DIAPH1: variants seen among roughly 807,000 people sequenced by gnomAD.
The protein encoded by DIAPH1 is diaphanous related formin 1, also known as protein diaphanous homolog 1.
DIAPH1 carries 46 observed loss-of-function variants against 140.7 expected under a neutral mutation model. That is an observed-to-expected ratio of 0.33 (90% CI 0.26 to 0.42). The LOEUF (loss-of-function observed/expected upper bound fraction) is 0.42, where lower values mean the gene tolerates loss of function less well. DIAPH1 is among the 10% of genes least tolerant of loss of function. The pLI, the probability that DIAPH1 is intolerant of heterozygous loss-of-function variation, is 1.00. For synonymous variants in DIAPH1, 565 were observed against 551.6 expected, an observed-to-expected ratio of 1.02 and a Z score of -0.34; for missense variants, 1,310 against 1,558.7, an observed-to-expected ratio of 0.84 and a Z score of 2.69.
At chr5:141,596,963 C>T (rs934884963) in intron 1 of DIAPH1, among the ~76,000 whole-genome samples, 7 of 151,994 alleles carry the variant, frequency 4.6e-5, no homozygotes, top group African/African-American at 1.7e-4. Context: ...AAAAAGAGGT[C>T]ATTAGAAGTT....
At position 141,577,507 on chromosome 5, in the gene DIAPH1, G is replaced by A. The variant is rs375904152; in HGVS notation, c.1248C>T (p.His416=). 1 of 1,613,894 alleles carries A rather than the reference G, an allele frequency of 6.2e-7. No homozygotes were observed. Among genetic ancestry groups the A allele is most frequent in the Non-Finnish European group, 8.5e-7 (1 of 1,179,768 alleles). ...CATAGTCATTTCGGACCAAGAGTAA[G>A]TGCTGCAGGATGGAAAGGAAGTGTG... ...AEPHFLSILQ[H]LLLVRNDYEA... is the part of the protein sequence containing the mutation. Residue 416 remains histidine (H), a synonymous_variant, in exon 12 of 28, where the codon CAC becomes CAT. Coordinates refer to ENST00000389054, the MANE Select transcript of DIAPH1 (RefSeq NM_005219.5).
In DIAPH1 at chr5:141,529,666, A is replaced by G; in HGVS notation, c.2613T>C (p.Tyr871=). 1 of 1,614,146 alleles carries G rather than the reference A, an allele frequency of 6.2e-7. No individual in the cohort carries two copies. Among genetic ancestry groups the G allele is most frequent in the Non-Finnish European group, 8.5e-7 (1 of 1,180,002 alleles). ...CCAGGATGACATTCTTAATCTCTTG[A>G]TAGGGCATGCGGAAGGAACCCAAAA... is the stretch of plus-strand genomic sequence containing the variant. The part of the protein sequence containing the change: ...SIFLGSFRMP[Y]QEIKNVILEV... The change falls in exon 20 of 28, where the codon TAT becomes TAC. Residue 871 remains tyrosine, a synonymous_variant. Transcript: ENST00000389054.
intron 1 of DIAPH1, among the ~76,000 whole-genome samples, chr5:141,589,918 CTT>C (rs998895903): frequency 6.9e-6 from 1 of 145,068 alleles, no homozygotes. Context: ...TATAGTAAAT[CTT>C]TTTTTTTTTT....
In DIAPH1 at chr5:141,578,584, C is replaced by T. The variant is rs774957853; in HGVS notation, c.975G>A (p.Ala325=). The T allele has an allele frequency of 1.5e-5, 24 of 1,613,594 alleles. No homozygotes were observed. Among genetic ancestry groups the T allele is most frequent in the African/African-American group, 9.3e-5 (7 of 74,896 alleles). The part of the protein sequence containing the change: ...LQLINALITP[A]EELDFRVHIR... ...TGTGAACTCGGAAGTCAAGTTCCTC[C>T]GCTGGTGTGATGAGAGCATTGATCA... The change falls in exon 10 of 28, where the codon GCG becomes GCA. Residue 325 remains alanine (A), a synonymous_variant. Transcript: ENST00000389054.
intron 19 of DIAPH1, among the ~76,000 whole-genome samples, chr5:141,531,520 C>T (rs1342170216): frequency 6.6e-6 from 1 of 152,072 alleles, no homozygotes; most frequent in East Asian, 1.9e-4. Flanking sequence ...ATGAGTCTCA[C>T]TCTGTCACCC....
rs1280980825 is a variant in DIAPH1, at chr5:141,584,231, A to G, written c.301-6T>C. On this transcript the variant is annotated splice_region_variant and splice_polypyrimidine_tract_variant and intron_variant, in intron 3 of 27. Transcript: ENST00000389054. The stretch of plus-strand genomic sequence containing the variant: ...TCATTCAGGTTCATATCCAGCTAGG[A>G]GAGGGAGAAAAAAGAGAAAAAACAA... The G allele has an allele frequency of 6.3e-7, 1 of 1,588,674 alleles. No individual in the cohort carries two copies. The highest frequency in any genetic ancestry group is 1.3e-5 in the African/African-American group (1 of 74,492).
chr5:141,559,586 C>G (rs749647161), intron 18 of DIAPH1, among the ~76,000 whole-genome samples: 4 of 152,168 alleles, frequency 2.6e-5, no homozygotes, highest in African/African-American at 9.7e-5. Context: ...TATTAAAAAT[C>G]TGGGCACTTC....
rs543699513 is a variant in DIAPH1, at chr5:141,595,813, G to A, written c.118-7563C>T. Among the ~76,000 whole-genome samples the A allele has an allele frequency of 8.5e-5, 13 of 152,240 alleles. No individual in the cohort carries two copies. The South Asian group carries it at 2.3e-3, about 27-fold the overall frequency. The stretch of plus-strand genomic sequence containing the variant: ...TACACCATGCACGTGTGTGGGCAGC[G>A]ATATATTGGAAATCTCTATACCTTC... On this transcript the variant is annotated intron_variant, in intron 1 of 27. Coordinates refer to ENST00000389054, the MANE Select transcript of DIAPH1 (RefSeq NM_005219.5).
intron 18 of DIAPH1, among the ~76,000 whole-genome samples, chr5:141,550,214 T>C (rs1197335131): frequency 1.3e-5 from 2 of 152,146 alleles, no homozygotes; most frequent in African/African-American, 2.4e-5. Flanking sequence ...AATAACATTA[T>C]CTTAAGATAA....
chr5:141,541,661 G>C, intron 18 of DIAPH1, among the ~76,000 whole-genome samples: 1 of 148,226 alleles, frequency 6.7e-6, no homozygotes, highest in East Asian at 2.0e-4. Flanking sequence ...CTCCAGCCTG[G>C]GCAACAGAGC....
intron 18 of DIAPH1, among the ~76,000 whole-genome samples, chr5:141,558,926 A>G (rs2154595902): frequency 6.6e-6 from 1 of 151,938 alleles, no homozygotes; most frequent in East Asian, 1.9e-4. Flanking sequence ...TAAAAAAAAA[A>G]AAAAAAAGAC....
intron 9 of DIAPH1, 30 bp from the exon 10 acceptor site, chr5:141,578,655 A>C (rs1436917887): frequency 6.6e-7 from 1 of 1,510,448 alleles, no homozygotes; most frequent in South Asian, 1.1e-5. Context: ...CAGCTATGTC[A>C]ATGCTAACTC....
intron 18 of DIAPH1, among the ~76,000 whole-genome samples, chr5:141,548,614 A>C (rs2099891186): frequency 1.3e-5 from 2 of 152,136 alleles, no homozygotes; most frequent in Non-Finnish European, 2.9e-5. Flanking sequence ...CTGGGCAATA[A>C]GGGCAATAAG....
intron 18 of DIAPH1, among the ~76,000 whole-genome samples, chr5:141,567,894 G>T (rs2099894613): frequency 6.6e-6 from 1 of 152,142 alleles, no homozygotes; most frequent in African/African-American, 2.4e-5. Flanking sequence ...ATGCTAACTA[G>T]AATACTGTTA....
At chr5:141,581,009 A>G (rs1425890477) in intron 7 of DIAPH1, 126 bp from the exon 8 acceptor site, 1 of 1,058,418 alleles carries the variant, frequency 9.4e-7, no homozygotes, top group Non-Finnish European at 1.4e-6. Flanking sequence ...CCCAACCCCC[A>G]GTACCTCAAA....
At chr5:141,518,043 C>G (rs1379750049) in intron 27 of DIAPH1, among the ~76,000 whole-genome samples, 2 of 152,128 alleles carry the variant, frequency 1.3e-5, no homozygotes, top group Non-Finnish European at 2.9e-5. Context: ...AAGCCTGACA[C>G]GAAAGGCCAT....
Position 141,516,755 on chromosome 5 carries a change from C to T in DIAPH1, c.*96G>A. 5 of 1,460,490 alleles carry T rather than the reference C, an allele frequency of 3.4e-6. No homozygotes were observed. Among genetic ancestry groups the T allele is most frequent in the Non-Finnish European group, 4.7e-6 (5 of 1,053,704 alleles). 90.5% of individuals were successfully genotyped at this position (1,460,490 alleles called of 1,614,324 possible). ...AGGGTCAGGGTGGTGGGAGTGGCCA[C>T]CCCAGAGGAATATCCCCTTGAGCCT... On this transcript the variant is annotated 3_prime_UTR_variant, in exon 28 of 28. Transcript: ENST00000389054.
At chr5:141,524,349 G>T in intron 26 of DIAPH1, 120 bp from the exon 27 acceptor site, 1 of 914,756 alleles carries the variant, frequency 1.1e-6, no homozygotes, top group Non-Finnish European at 1.8e-6. Flanking sequence ...GCAGCTGGCA[G>T]CTAAGAAGAG....
chr5:141,597,907 T>C (rs1434210848), intron 1 of DIAPH1, among the ~76,000 whole-genome samples: 1 of 152,222 alleles, frequency 6.6e-6, no homozygotes, highest in Admixed American at 6.5e-5. Context: ...TTGCATATGG[T>C]AAGCTCAGAA....
Sources: allele counts gnomAD v4.1 joint callset (sites outside exome capture counted in the v4.1 genomes callset), GRCh38; gene constraint gnomAD v4.1.1; transcripts MANE v1.5; gene names NCBI Gene and HGNC (gene_info 2026-07-23, HGNC 2026-07-21).